The following ZNF185 variants were observed in gnomAD, a reference collection of about 807,000 sequenced individuals.
ZNF185 encodes zinc finger protein 185 with LIM domain.
Under a neutral mutation model 58.6 loss-of-function variants are expected in ZNF185, and 56 were observed. That is an observed-to-expected ratio of 0.95 (90% CI 0.77 to 1.19). ZNF185 has a LOEUF of 1.19. ZNF185 is among the 50% of genes most tolerant of loss of function. The pLI is 0.00. For synonymous variants in ZNF185, 230 were observed against 215.9 expected, an observed-to-expected ratio of 1.07 and a Z score of -0.57; for missense variants, 627 against 573.5, an observed-to-expected ratio of 1.09 and a Z score of -0.95.
At chrX:152,931,818 G>A (rs782097048) in intron 13 of ZNF185, 42 bp downstream of exon 14, 42 of 1,103,185 alleles carry the variant, frequency 3.8e-5, no homozygotes, top group Middle Eastern at 3.5e-4. Flanking sequence ...CCCAGAACAC[G>A]GAGCCCACAT....
chrX:152,972,616 G>C (rs902132101), exon 23 of ZNF185: 1 of 111,923 alleles, frequency 8.9e-6, no homozygotes, highest in African/African-American at 3.3e-5. Flanking sequence ...GGGGCTAGCT[G>C]ATCTGAGCAG....
rs1556893542 is a variant in ZNF185, at chrX:152,945,262, T to G, written c.1212-5T>G. ...TTTTTCATAAGGGTGCTTATTCTTC[T>G]TCAGGGCCTTGGCTGATTATGAGGG... On this transcript the variant is annotated splice_polypyrimidine_tract_variant and splice_region_variant and intron_variant, in intron 15 of 22. Transcript: ENST00000449285. The G allele has an allele frequency of 8.3e-7, 1 of 1,205,064 alleles. No homozygotes were observed. Among genetic ancestry groups the G allele is most frequent in the African/African-American group, 1.7e-5 (1 of 57,714 alleles).
At chrX:152,945,404 A>G (rs1222555659) in exon 16 of ZNF185, 1 of 1,207,699 alleles carries the variant, frequency 8.3e-7, no homozygotes, top group East Asian at 3.0e-5. Flanking sequence ...AGCACCCCAG[A>G]GCGGCAGAGC....
the ZNF185 span, among the ~76,000 whole-genome samples, chrX:152,907,069 G>A: frequency 9.0e-6 from 1 of 111,104 alleles, no homozygotes; most frequent in Non-Finnish European, 1.9e-5. Flanking sequence ...TCAGGCAGCG[G>A]GGAAGTTCTA....
intron 14 of ZNF185, 146 bp from the exon 17 acceptor site, chrX:152,937,928 C>T (rs1409621857): frequency 2.0e-6 from 1 of 511,359 alleles, no homozygotes; most frequent in Non-Finnish European, 3.2e-6. Context: ...GCATCGGTGC[C>T]ACACTAATGC....
At chrX:152,915,908 C>T (rs1938364484) in intron 3 of ZNF185, among the ~76,000 whole-genome samples, 1 of 111,825 alleles carries the variant, frequency 8.9e-6, no homozygotes, top group Admixed American at 9.5e-5. Context: ...GAGGCAGTGG[C>T]GGCCTCTGGA....
upstream of ZNF185, among the ~76,000 whole-genome samples, chrX:152,910,017 C>T (rs1047847311): frequency 9.4e-6 from 1 of 106,813 alleles, no homozygotes; most frequent in Non-Finnish European, 1.9e-5. Context: ...AAGCAATTTT[C>T]CTACCTCAGC....
At chrX:152,964,936 C>G (rs1603318969) in intron 18 of ZNF185, among the ~76,000 whole-genome samples, 1 of 111,621 alleles carries the variant, frequency 9.0e-6, no homozygotes, top group East Asian at 2.8e-4. Flanking sequence ...AACCTCTAGG[C>G]CTCTGGACTC....
chrX:152,965,100 A>G (rs1406588245), intron 18 of ZNF185, among the ~76,000 whole-genome samples: 2 of 111,861 alleles, frequency 1.8e-5, no homozygotes, highest in African/African-American at 6.5e-5. Flanking sequence ...ACGCAGCCCT[A>G]AAGTAGGGGT....
intron 17 of ZNF185, among the ~76,000 whole-genome samples, chrX:152,962,037 C>G (rs1330865286): frequency 2.7e-5 from 3 of 111,756 alleles, no homozygotes; most frequent in Admixed American, 9.5e-5. Context: ...GCTTTTCTAT[C>G]GAGGAGGAGA....
intron 16 of ZNF185, among the ~76,000 whole-genome samples, chrX:152,954,695 C>A (rs2048641407): frequency 8.9e-6 from 1 of 112,319 alleles, no homozygotes. Flanking sequence ...TCTCAAAAAA[C>A]TGTTATCACC....
chrX:152,920,825 G>C lies in ZNF185; in HGVS notation c.656+77G>C, dbSNP rs1939560372. The C allele has an allele frequency of 4.5e-6, 5 of 1,108,648 alleles. No individual in the cohort carries two copies. The South Asian group carries it at 7.5e-5, about 17-fold the overall frequency. The allele number at this position is 1,108,648 out of a possible 1,213,427, so 91.4% of individuals were successfully genotyped here. A position where few individuals can be genotyped will look rare whatever the true frequency, so the allele number is the denominator to read the frequency against. On this transcript the variant is annotated intron_variant, in intron 9 of 22. Coordinates refer to ENST00000449285, the Ensembl canonical transcript of ZNF185. ...CCTTCCGTCAGCAGGGGTGTAGTGT[G>C]GGAGCTGTGGAGAGGGGATGTGGAT...
chrX:152,950,495 A>G (rs782050042), intron 16 of ZNF185, among the ~76,000 whole-genome samples: 11 of 112,116 alleles, frequency 9.8e-5, no homozygotes, highest in African/African-American at 3.6e-4. Context: ...AAACCCCGCT[A>G]GGAATTCTAT....
At chrX:152,922,020 C>G (rs781956973) in intron 9 of ZNF185, among the ~76,000 whole-genome samples, 153 bp from the exon 11 acceptor site, 2 of 111,513 alleles carry the variant, frequency 1.8e-5, no homozygotes, top group Admixed American at 9.5e-5. Flanking sequence ...TTATCCTGAG[C>G]TGGAGTCACT....
chrX:152,898,275 T>C, the ZNF185 span, among the ~76,000 whole-genome samples: 8 of 112,192 alleles, frequency 7.1e-5, no homozygotes, highest in African/African-American at 9.7e-5. Flanking sequence ...GCGGCCCTGC[T>C]TGGAGGCAGT....
At chrX:152,954,999 G>T (rs1556903503) in intron 16 of ZNF185, among the ~76,000 whole-genome samples, 1 of 111,552 alleles carries the variant, frequency 9.0e-6, no homozygotes. Context: ...GAAATTGGAA[G>T]TGAGGTACAG....
rs782620702 is a variant in ZNF185 at position 152,969,486 on chromosome X, T to TA, written c.1974+8dup. 3.4e-6 allele frequency: 4 copies of TA among 1,189,756 alleles called. No individual in the cohort carries two copies. The highest frequency in any genetic ancestry group is 4.5e-6 in the Non-Finnish European group (4 of 880,066). ...TGCTGCCATGAATATTGCTTTAAGGTAAAAAAGAGGTGGAAGACACCTTGA... is the reference window on the plus strand; with the variant it reads ...TGCTGCCATGAATATTGCTTTAAGGTAAAAAAAGAGGTGGAAGACACCTTGA... On this transcript the variant is annotated splice_region_variant and intron_variant, in intron 21 of 22. Transcript: ENST00000449285.
At chrX:152,909,904 CTTT>C (rs1223634856), upstream of ZNF185, among the ~76,000 whole-genome samples, 2 of 90,233 alleles carry the variant, frequency 2.2e-5, no homozygotes, top group African/African-American at 4.5e-5. Context: ...GGCATCAACT[CTTT>C]TTTTTTTTTT....
At chrX:152,934,981 G>C (rs983325513) in intron 14 of ZNF185, among the ~76,000 whole-genome samples, 1 of 110,856 alleles carries the variant, frequency 9.0e-6, no homozygotes, top group Non-Finnish European at 1.9e-5. Context: ...GGACCACCAC[G>C]CCTGGCTAAC....
Sources: gnomAD v4.1 joint callset for allele counts (sites outside exome capture counted in the v4.1 genomes callset) on GRCh38, gnomAD v4.1.1 for gene constraint, MANE v1.5 for transcripts, NCBI Gene and HGNC (gene_info 2026-07-23, HGNC 2026-07-21) for gene names.